RAB11FIP3: variants seen among roughly 807,000 people sequenced by gnomAD.
RAB11FIP3 encodes rab11 family-interacting protein 3.
RAB11FIP3 carries 17 observed loss-of-function variants against 77.8 expected under a neutral mutation model. The ratio of observed to expected loss-of-function variants is 0.22; its 90% CI spans 0.15 to 0.33. RAB11FIP3 has a LOEUF of 0.33. RAB11FIP3 is among the 10% of genes least tolerant of loss of function. RAB11FIP3 has a pLI of 1.00. For synonymous variants in RAB11FIP3, 437 were observed against 448.2 expected, an observed-to-expected ratio of 0.98 and a Z score of 0.31; for missense variants, 1,005 against 1,011.2, an observed-to-expected ratio of 0.99 and a Z score of 0.08.
At chr16:489,845 C>T (rs1345213490) in intron 5 of RAB11FIP3, among the ~76,000 whole-genome samples, 1 of 152,220 alleles carries the variant, frequency 6.6e-6, no homozygotes, top group African/African-American at 2.4e-5. Flanking sequence ...TCCTTGAAGC[C>T]GCCCGTCAGC....
intron 5 of RAB11FIP3, among the ~76,000 whole-genome samples, chr16:492,206 T>C (rs1432001847): frequency 2.6e-5 from 4 of 152,196 alleles, no homozygotes. Context: ...TTAACTCTTC[T>C]TATGTTCTGT....
chr16:513,473 C>A (rs536856391), intron 9 of RAB11FIP3, among the ~76,000 whole-genome samples: 5 of 152,102 alleles, frequency 3.3e-5, no homozygotes, highest in African/African-American at 7.2e-5. Flanking sequence ...CCCACCTTGG[C>A]CTCTTTTTGT....
chr16:443,710 C>T (rs370134699), intron 1 of RAB11FIP3, among the ~76,000 whole-genome samples: 18 of 152,210 alleles, frequency 1.2e-4, no homozygotes, highest in South Asian at 4.1e-4. Flanking sequence ...GGACTACAGG[C>T]GCCCGCTACC....
At chr16:479,597 C>G (rs749940371) in intron 3 of RAB11FIP3, among the ~76,000 whole-genome samples, 2 of 152,092 alleles carry the variant, frequency 1.3e-5, no homozygotes, top group Non-Finnish European at 2.9e-5. Context: ...CCAGCTACAG[C>G]TAGATCCTGT....
At position 461,352 on chromosome 16, in the gene RAB11FIP3, GGAC is replaced by G; in HGVS notation, c.715-51_715-49del. On this transcript the variant is annotated intron_variant, in intron 1 of 13. Transcript: ENST00000262305. The surrounding 1 kb of genome is among the most constrained non-coding windows in gnomAD (Gnocchi z 4.5). The stretch of plus-strand genomic sequence containing the variant: ...CTCCCAGTCCGAGGTCCAGGGTTGG[GGAC>G]CCCTGCTGTAAAGGCTTAGGGTAAC... 6.8e-7 allele frequency: 1 copy of G among 1,475,396 alleles called. No individual in the cohort carries two copies. The highest frequency in any genetic ancestry group is 9.4e-7 in the Non-Finnish European group (1 of 1,066,942). The allele number at this position is 1,475,396 out of a possible 1,614,324, so 91.4% of individuals were successfully genotyped here. A position where few individuals can be genotyped will look rare whatever the true frequency, so the allele number is the denominator to read the frequency against.
In RAB11FIP3 at chr16:507,477, C is replaced by T. The variant is rs2141873247; in HGVS notation, c.1499+1850C>T. 6.6e-6 allele frequency among the ~76,000 whole-genome samples: 1 copy of T among 152,210 alleles called. No homozygotes were observed. Among genetic ancestry groups the T allele is most frequent in the Admixed American group, 6.5e-5 (1 of 15,288 alleles). On this transcript the variant is annotated intron_variant, in intron 8 of 13. Coordinates refer to ENST00000262305, the MANE Select transcript of RAB11FIP3 (RefSeq NM_014700.4). This position sits in a 1 kb window ranked among gnomAD's most constrained non-coding sequence, Gnocchi z 4.6. The stretch of plus-strand genomic sequence containing the variant: ...GCCCATGCTGGTCTCAAACGCCTGG[C>T]CTCAAGCGATCCTCCCACCTTGGCC...
At position 502,819 on chromosome 16, in the gene RAB11FIP3, A is replaced by C. The variant is rs149092713; in HGVS notation, c.1302-185A>C. Reference sequence around the variant, plus strand: ...CTCCCAGCCCCTGGTAAAGATGTCCAGCCTGGGACCTCCCCCTGTATATAG... The same window carrying C: ...CTCCCAGCCCCTGGTAAAGATGTCCCGCCTGGGACCTCCCCCTGTATATAG... On this transcript the variant is annotated intron_variant, in intron 6 of 13. Transcript: ENST00000262305. 5.4e-4 allele frequency: 324 copies of C among 598,240 alleles called. 3 individuals are homozygous for C. In the East Asian group the frequency reaches 7.5e-3, roughly 14 times the overall value. 37.1% of individuals were successfully genotyped at this position (598,240 alleles called of 1,614,324 possible). A position where few individuals can be genotyped will look rare whatever the true frequency, so the allele number is the denominator to read the frequency against.
chr16:488,769 T>C, intron 4 of RAB11FIP3, 82 bp from the exon 5 acceptor site: 1 of 1,436,196 alleles, frequency 7.0e-7, no homozygotes, highest in Non-Finnish European at 9.5e-7. Flanking sequence ...TAGCACACCC[T>C]ATGGAAAGCA....
In RAB11FIP3 at chr16:519,769, T is replaced by C. The variant is rs148954418; in HGVS notation, c.1738T>C (p.Leu580=). The C allele has an allele frequency of 6.7e-4, 1,086 of 1,612,584 alleles. 9 individuals carry two copies. In the African/African-American group the frequency reaches 0.01, roughly 15 times the overall value. ...ACCCCTGCAGGAGAAGCAGAAGCTG[T>C]TGGATGAGATAGAGTCGCTGACGCT... The part of the protein sequence containing the change: ...ERLEEEKQKL[L]DEIESLTLRL... The change falls in exon 11 of 14, where the codon TTG becomes CTG. Residue 580 remains leucine, a synonymous_variant. Transcript: ENST00000262305.
At chr16:520,024 G>A (rs1294456670) in intron 11 of RAB11FIP3, 98 bp from the exon 12 acceptor site, 5 of 1,525,852 alleles carry the variant, frequency 3.3e-6, no homozygotes, top group Non-Finnish European at 4.4e-6. Flanking sequence ...CCTCCCGAGA[G>A]ACGGCCAGAT....
chr16:456,353 T>A (rs1461718505), intron 1 of RAB11FIP3, among the ~76,000 whole-genome samples: 3 of 151,148 alleles, frequency 2.0e-5, no homozygotes, highest in Non-Finnish European at 4.4e-5. Flanking sequence ...GGTGGGAGAA[T>A]CGCTTGAACC....
chr16:429,322 A>G (rs2054999390), intron 1 of RAB11FIP3, among the ~76,000 whole-genome samples: 1 of 152,046 alleles, frequency 6.6e-6, no homozygotes, highest in African/African-American at 2.4e-5. Context: ...GATTCTTTTA[A>G]AGACATTAAT....
Position 520,569 on chromosome 16 carries a change from T to A in RAB11FIP3, c.2127T>A (p.Ala709=), listed in dbSNP as rs762611482. Residue 709 remains alanine (A), a synonymous_variant, in exon 13 of 14, where the codon GCT becomes GCA. Transcript: ENST00000262305. ...LFSTAFSESL[A]AEISSVSRDE... ...CCACAGCCTTCTCTGAGTCCCTGGC[T>A]GCAGAGATCAGCTCCGTCTCCCGAG... 6.2e-7 allele frequency: 1 copy of A among 1,613,648 alleles called. No homozygotes were observed. The highest frequency in any genetic ancestry group is 8.5e-7 in the Non-Finnish European group (1 of 1,180,018).
chr16:469,480 C>T (rs2055772791), intron 2 of RAB11FIP3, among the ~76,000 whole-genome samples: 1 of 152,036 alleles, frequency 6.6e-6, no homozygotes, highest in Admixed American at 6.6e-5. Flanking sequence ...CTGCAGCCTC[C>T]ACCTCCCAGG....
At position 520,874 on chromosome 16, in the gene RAB11FIP3, C is replaced by T. The variant is rs1385176222; in HGVS notation, c.*35C>T. ...GGTCCAGCCTGAGCTGGATTCGGGA[C>T]TCCAACACCCTGGAGTGGTTCCGTC... On this transcript the variant is annotated 3_prime_UTR_variant, in exon 14 of 14. Coordinates refer to ENST00000262305, the MANE Select transcript of RAB11FIP3 (RefSeq NM_014700.4). 1.3e-5 allele frequency: 20 copies of T among 1,549,890 alleles called. 1 individual carries two copies. The highest frequency in any genetic ancestry group is 1.7e-5 in the Non-Finnish European group (19 of 1,122,612).
chr16:464,336 A>T (rs181759597), intron 2 of RAB11FIP3, among the ~76,000 whole-genome samples: 1 of 152,194 alleles, frequency 6.6e-6, no homozygotes, highest in African/African-American at 2.4e-5. Flanking sequence ...TACTTTATAC[A>T]TTTATTTAAC....
chr16:443,209 G>A (rs1165619876), intron 1 of RAB11FIP3, among the ~76,000 whole-genome samples: 2 of 152,132 alleles, frequency 1.3e-5, no homozygotes, highest in Non-Finnish European at 2.9e-5. Flanking sequence ...GAAATACCAA[G>A]CAGGAGGAGT....
chr16:438,500 G>T (rs1475768014), intron 1 of RAB11FIP3, among the ~76,000 whole-genome samples: 3 of 150,582 alleles, frequency 2.0e-5, no homozygotes, highest in Admixed American at 2.0e-4. Context: ...CCGCTTCCAG[G>T]GTTCAAGTAA....
At chr16:490,860 G>A (rs909692282) in intron 5 of RAB11FIP3, among the ~76,000 whole-genome samples, 1 of 152,172 alleles carries the variant, frequency 6.6e-6, no homozygotes, top group Non-Finnish European at 1.5e-5. Context: ...GGCTGCCCCT[G>A]CTTTCTTCTG....
Sources: allele counts gnomAD v4.1 joint callset (sites outside exome capture counted in the v4.1 genomes callset), GRCh38; gene constraint gnomAD v4.1.1; non-coding constraint Gnocchi (gnomAD v3.1); transcripts MANE v1.5; gene names NCBI Gene and HGNC (gene_info 2026-07-23, HGNC 2026-07-21).